Variants in PDK1 observed in about 807,000 individuals in gnomAD.
PDK1 encodes the protein [Pyruvate dehydrogenase (acetyl-transferring)] kinase isozyme 1, mitochondrial.
Under a neutral mutation model 54.2 loss-of-function variants are expected in PDK1, and 39 were observed. That is an observed-to-expected ratio of 0.72 (90% CI 0.56 to 0.94). The LOEUF is 0.94. Among genes scored for constraint, PDK1 ranks in the 40% least tolerant of loss-of-function variants. The pLI, the probability that PDK1 is intolerant of heterozygous loss-of-function variation, is 0.00. For missense variants in PDK1, 552 were observed against 566.0 expected (o/e 0.98, Z 0.25); for synonymous variants, 221 against 207.1 (o/e 1.07, Z -0.58).
chr2:172,584,965 C>T (rs974900071), intron 8 of PDK1, among the ~76,000 whole-genome samples: 1 of 151,814 alleles, frequency 6.6e-6, no homozygotes, highest in Non-Finnish European at 1.5e-5. Flanking sequence ...CCACCAGACC[C>T]ACCCAATATA....
chr2:172,621,583 T>C, the PDK1 span, among the ~76,000 whole-genome samples: 2 of 146,906 alleles, frequency 1.4e-5, no homozygotes, highest in African/African-American at 4.9e-5. Flanking sequence ...ATATATGATA[T>C]ATGTTTATAT....
At chr2:172,683,469 G>C in the PDK1 span, among the ~76,000 whole-genome samples, 1 of 152,144 alleles carries the variant, frequency 6.6e-6, no homozygotes, top group African/African-American at 2.4e-5. Context: ...GAAGCTTCCA[G>C]TCATGGCAGA....
the PDK1 span, among the ~76,000 whole-genome samples, chr2:172,636,026 G>A: frequency 1.3e-5 from 2 of 152,216 alleles, no homozygotes; most frequent in Non-Finnish European, 2.9e-5. Context: ...GCCCCACATG[G>A]CGTGGTTTCG....
At chr2:172,635,873 A>G in the PDK1 span, among the ~76,000 whole-genome samples, 1 of 152,188 alleles carries the variant, frequency 6.6e-6, no homozygotes, top group Non-Finnish European at 1.5e-5. Flanking sequence ...CTCAAAGCCC[A>G]CCAGAATTAT....
At chr2:172,635,140 C>T in the PDK1 span, among the ~76,000 whole-genome samples, 1 of 152,058 alleles carries the variant, frequency 6.6e-6, no homozygotes, top group African/African-American at 2.4e-5. Flanking sequence ...CACTTATACC[C>T]TATATATGTT....
chr2:172,580,873 TATG>T (rs1399204152), intron 8 of PDK1, among the ~76,000 whole-genome samples: 3 of 152,158 alleles, frequency 2.0e-5, no homozygotes, highest in Admixed American at 2.0e-4. Context: ...CCACATATTA[TATG>T]ATATTATTTA....
chr2:172,704,588 A>G, the PDK1 span, among the ~76,000 whole-genome samples: 1 of 152,190 alleles, frequency 6.6e-6, no homozygotes. Flanking sequence ...GAGCCAGGGT[A>G]TACTCTTGAG....
the PDK1 span, among the ~76,000 whole-genome samples, chr2:172,717,275 C>T: frequency 6.6e-6 from 1 of 152,172 alleles, no homozygotes; most frequent in Non-Finnish European, 1.5e-5. Flanking sequence ...CCTCAAGCTC[C>T]AGATGGATCT....
the PDK1 span, among the ~76,000 whole-genome samples, chr2:172,673,614 A>G: frequency 2.1e-3 from 317 of 152,298 alleles, 2 homozygotes; most frequent in African/African-American, 7.2e-3. Context: ...ATGACTGACT[A>G]GCTACCTACT....
chr2:172,714,507 G>A, the PDK1 span, among the ~76,000 whole-genome samples: 2 of 151,804 alleles, frequency 1.3e-5, no homozygotes, highest in African/African-American at 4.8e-5. Context: ...AAATTAAAAT[G>A]TATGTTTTCT....
the PDK1 span, among the ~76,000 whole-genome samples, chr2:172,658,931 G>A: frequency 6.6e-6 from 1 of 152,076 alleles, no homozygotes; most frequent in Admixed American, 6.5e-5. Context: ...TTTTGATTTT[G>A]CCCTTTGCCT....
At chr2:172,693,288 C>T in the PDK1 span, among the ~76,000 whole-genome samples, 1 of 152,256 alleles carries the variant, frequency 6.6e-6, no homozygotes, top group Non-Finnish European at 1.5e-5. Context: ...AATCATGAGT[C>T]ACTGCAGCAG....
In PDK1 at chr2:172,601,521, GTTCC is replaced by G. The variant is rs1186821884; in HGVS notation, c.*5554_*5557del. ...CTGATGGTTTTATAAGTATTTGGTA[GTTCC>G]TCCTGCATTCATTCTTCCTGCTGCC... On this transcript the variant is annotated 3_prime_UTR_variant, in exon 11 of 11. Coordinates refer to ENST00000282077, the MANE Select transcript of PDK1 (RefSeq NM_002610.5). The G allele has an allele frequency of 4.6e-5, 7 of 152,224 alleles. No individual in the cohort carries two copies. Among genetic ancestry groups the G allele is most frequent in the Non-Finnish European group, 7.3e-5 (5 of 68,054 alleles). The allele number at this position is 152,224 out of a possible 1,614,324, so 9.4% of individuals were successfully genotyped here.
the PDK1 span, among the ~76,000 whole-genome samples, chr2:172,659,250 T>A: frequency 6.6e-6 from 1 of 152,164 alleles, no homozygotes; most frequent in Admixed American, 6.5e-5. Context: ...GGGGGGCGGT[T>A]TCCCCCGATA....
At chr2:172,708,240 A>G in the PDK1 span, among the ~76,000 whole-genome samples, 1 of 151,988 alleles carries the variant, frequency 6.6e-6, no homozygotes, top group Non-Finnish European at 1.5e-5. Flanking sequence ...AATGAGCAAT[A>G]ATTGTGCCAC....
the PDK1 span, among the ~76,000 whole-genome samples, chr2:172,650,605 C>G: frequency 6.6e-6 from 1 of 151,894 alleles, no homozygotes; most frequent in Non-Finnish European, 1.5e-5. Context: ...CAGAGACACA[C>G]ATAGGCTCAA....
At chr2:172,640,799 G>T in the PDK1 span, among the ~76,000 whole-genome samples, 1 of 152,104 alleles carries the variant, frequency 6.6e-6, no homozygotes, top group African/African-American at 2.4e-5. Context: ...ACTGACATGA[G>T]GCTAATTGAT....
the PDK1 span, among the ~76,000 whole-genome samples, chr2:172,652,185 A>G: frequency 1.3e-5 from 2 of 152,242 alleles, no homozygotes; most frequent in Admixed American, 6.5e-5. Flanking sequence ...AATGAAAGTA[A>G]TCCATCATAT....
the PDK1 span, among the ~76,000 whole-genome samples, chr2:172,658,212 C>T: frequency 6.6e-6 from 1 of 152,138 alleles, no homozygotes; most frequent in Non-Finnish European, 1.5e-5. Flanking sequence ...TGAAAACAAA[C>T]CATGTTTTGG....
Sources: gnomAD v4.1 joint callset for allele counts (sites outside exome capture counted in the v4.1 genomes callset) on GRCh38, gnomAD v4.1.1 for gene constraint, MANE v1.5 for transcripts, NCBI Gene and HGNC (gene_info 2026-07-23, HGNC 2026-07-21) for gene names.